The following ZC3H7B variants were observed in gnomAD, a reference collection of about 807,000 sequenced individuals.
The protein encoded by ZC3H7B is zinc finger CCCH-type containing 7B.
ZC3H7B carries 35 observed loss-of-function variants against 116.0 expected under a neutral mutation model. The observed-to-expected ratio is 0.30, with a 90% CI of 0.23 to 0.40. The LOEUF (loss-of-function observed/expected upper bound fraction) is 0.40, where lower values mean the gene tolerates loss of function less well. ZC3H7B is among the 10% of genes least tolerant of loss of function. The pLI, the probability that ZC3H7B is intolerant of heterozygous loss-of-function variation, is 1.00. For missense variants in ZC3H7B, 1,011 were observed against 1,321.5 expected (o/e 0.77, Z 3.64); for synonymous variants, 502 against 545.6 (o/e 0.92, Z 1.11).
chr22:41,322,040 C>T (rs1351314888), intron 2 of ZC3H7B, among the ~76,000 whole-genome samples: 2 of 149,830 alleles, frequency 1.3e-5, no homozygotes, highest in Non-Finnish European at 1.5e-5. Context: ...GGGGTTTCAC[C>T]GTTTTAGCTG....
chr22:41,332,562 C>T (rs138953687), intron 7 of ZC3H7B: 1 of 293,894 alleles, frequency 3.4e-6, no homozygotes, highest in East Asian at 7.0e-5. Context: ...TCTGCAGGTT[C>T]AGGCCCCTGG....
In ZC3H7B at chr22:41,318,619, C is replaced by T. The variant is rs899035023; in HGVS notation, c.-6-2036C>T. 7.9e-5 allele frequency among the ~76,000 whole-genome samples: 12 copies of T among 151,710 alleles called. No homozygotes were observed. In the South Asian group the frequency reaches 8.3e-4, roughly 11 times the overall value. ...TAAAGGTTAGCGAGGCATGGTGGCG[C>T]GCGCCTGTGATCTCAGCTGCTTGGG... On this transcript the variant is annotated intron_variant, in intron 1 of 22. Coordinates refer to ENST00000352645, the MANE Select transcript of ZC3H7B (RefSeq NM_017590.6).
At position 41,349,330 on chromosome 22, in the gene ZC3H7B, C is replaced by A; in HGVS notation, c.1948+29C>A. On this transcript the variant is annotated intron_variant, in intron 16 of 22. Coordinates refer to ENST00000352645, the MANE Select transcript of ZC3H7B (RefSeq NM_017590.6). The surrounding 1 kb of genome is among the most constrained non-coding windows in gnomAD (Gnocchi z 4.9). ...AGGGGCAGGCGGTGCAGGTGGAGGG[C>A]AGGTGACTCAGGTGAGGGGTAGGCG... is the stretch of plus-strand genomic sequence containing the variant. 1 of 1,607,378 alleles carries A rather than the reference C, an allele frequency of 6.2e-7. No homozygotes were observed. Among genetic ancestry groups the A allele is most frequent in the Non-Finnish European group, 8.5e-7 (1 of 1,175,968 alleles).
intron 1 of ZC3H7B, among the ~76,000 whole-genome samples, chr22:41,317,621 C>T (rs1374332788): frequency 6.6e-6 from 1 of 151,734 alleles, no homozygotes; most frequent in African/African-American, 2.4e-5. Flanking sequence ...AAAACCCCAT[C>T]TCTAAAAAAA....
intron 13 of ZC3H7B, among the ~76,000 whole-genome samples, chr22:41,345,334 C>A (rs1005254413): frequency 1.3e-5 from 2 of 152,098 alleles, no homozygotes; most frequent in Non-Finnish European, 2.9e-5. Flanking sequence ...GCCTGTAATC[C>A]CAGCACTTTG....
intron 1 of ZC3H7B, among the ~76,000 whole-genome samples, chr22:41,308,298 G>A (rs1408698644): frequency 6.6e-6 from 1 of 152,116 alleles, no homozygotes; most frequent in East Asian, 1.9e-4. Context: ...CTTGTTCCCT[G>A]GAGCATCTCT....
rs547574004 is a variant in ZC3H7B, at chr22:41,338,415, C to T, written c.625+60C>T. 74 of 1,568,106 alleles carry T rather than the reference C, an allele frequency of 4.7e-5. No individual in the cohort carries two copies. In the South Asian group the frequency reaches 5.0e-4, roughly 11 times the overall value. On this transcript the variant is annotated intron_variant, in intron 8 of 22. Transcript: ENST00000352645. This position sits in a 1 kb window ranked among gnomAD's most constrained non-coding sequence, Gnocchi z 4.5. ...TGGGGCCCCGAGAGGTCAGGGGAGT[C>T]GAGCCCCCTCCCCATCCCAGCCCTG...
chr22:41,308,416 T>C (rs548484513), intron 1 of ZC3H7B, among the ~76,000 whole-genome samples: 1 of 152,302 alleles, frequency 6.6e-6, no homozygotes, highest in South Asian at 2.1e-4. Context: ...GGAGGCATTA[T>C]TATTTTGTCA....
In ZC3H7B at chr22:41,346,124, C is replaced by T. The variant is rs774781836; in HGVS notation, c.1581C>T (p.Asp527=). The T allele has an allele frequency of 1.2e-6, 2 of 1,613,630 alleles. No individual in the cohort carries two copies. The highest frequency in any genetic ancestry group is 1.7e-6 in the Non-Finnish European group (2 of 1,180,026). ...KGTLNRDLLF[D]PLGGVKRGSL... ...CCCTCAACCGCGACCTGCTCTTCGA[C>T]CCGCTGGGGGGTGTTAAGCGCGGCA... is the stretch of plus-strand genomic sequence containing the variant. Residue 527 remains aspartate, a synonymous_variant, in exon 14 of 23, where the codon GAC becomes GAT. Coordinates refer to ENST00000352645, the MANE Select transcript of ZC3H7B (RefSeq NM_017590.6). The surrounding 1 kb of genome is among the most constrained non-coding windows in gnomAD (Gnocchi z 5.3).
chr22:41,334,668 A>C (rs955263318), intron 7 of ZC3H7B: 1 of 152,342 alleles, frequency 6.6e-6, no homozygotes, highest in Non-Finnish European at 1.5e-5. Context: ...GCACAAACGG[A>C]GTGCCCTAGG....
intron 17 of ZC3H7B, among the ~76,000 whole-genome samples, chr22:41,354,766 C>G (rs911125924): frequency 6.6e-6 from 1 of 152,182 alleles, no homozygotes; most frequent in African/African-American, 2.4e-5. Context: ...TACAGAAGAG[C>G]AGGCCAAAGG....
rs769385754 is a variant in ZC3H7B, at chr22:41,351,557, C to T, written c.1949-4C>T. On this transcript the variant is annotated splice_region_variant and splice_polypyrimidine_tract_variant and intron_variant, in intron 16 of 22. Transcript: ENST00000352645. This position sits in a 1 kb window ranked among gnomAD's most constrained non-coding sequence, Gnocchi z 5.1. ...ATGCCTGTGTCTGCCCCCACCCTCC[C>T]CAGGCATGACCCACGAAGACATCGT... The T allele has an allele frequency of 6.2e-5, 100 of 1,612,708 alleles. No homozygotes were observed. The South Asian group carries it at 1.1e-3, about 17-fold the overall frequency.
At chr22:41,306,373 C>A (rs1405264362) in intron 1 of ZC3H7B, among the ~76,000 whole-genome samples, 1 of 136,168 alleles carries the variant, frequency 7.3e-6, no homozygotes, top group Admixed American at 7.9e-5. Context: ...TTATTTAATT[C>A]TTTTTTTTTT....
At chr22:41,322,509 C>T (rs1011481838) in intron 2 of ZC3H7B, among the ~76,000 whole-genome samples, 1 of 151,006 alleles carries the variant, frequency 6.6e-6, no homozygotes. Context: ...TGTTTTATTT[C>T]TCTTTTTTTT....
At chr22:41,355,697 G>A (rs971213000) in intron 18 of ZC3H7B, 60 bp from the exon 19 acceptor site, 21 of 1,611,998 alleles carry the variant, frequency 1.3e-5, no homozygotes, top group Non-Finnish European at 1.7e-5. Context: ...GCTCTCCACA[G>A]AGGTCACACA....
Position 41,327,204 on chromosome 22 carries a change from A to G in ZC3H7B, c.286-2A>G. ...CAGTGACCACATGCTCCTCTCTGGC[A>G]GGGCCTGTATGAGAAGGCGCTGGAG... is the stretch of plus-strand genomic sequence containing the variant. On this transcript the variant is annotated splice_acceptor_variant, in intron 4 of 22. Transcript: ENST00000352645. LOFTEE classifies it high-confidence loss of function. The surrounding 1 kb of genome is among the most constrained non-coding windows in gnomAD (Gnocchi z 4.5). 6.2e-7 allele frequency: 1 copy of G among 1,613,708 alleles called. No homozygotes were observed. The highest frequency in any genetic ancestry group is 8.5e-7 in the Non-Finnish European group (1 of 1,179,946).
chr22:41,346,059 C>G lies in ZC3H7B; in HGVS notation c.1516C>G (p.Gln506Glu), dbSNP rs1228512681. The G allele has an allele frequency of 2.5e-6, 4 of 1,614,110 alleles. No individual in the cohort carries two copies. The highest frequency in any genetic ancestry group is 3.4e-6 in the Non-Finnish European group (4 of 1,180,022). Residue 506 changes from glutamine (Q) to glutamate (E), a missense_variant, in exon 14 of 23, where the codon CAG becomes GAG. By Grantham distance (29) the Gln-to-Glu change is conservative. Around this residue, in one of 5 missense-constraint regions of ZC3H7B, gnomAD observed 179 missense variants for 178.5 expected, o/e 1.00. Coordinates refer to ENST00000352645, the MANE Select transcript of ZC3H7B (RefSeq NM_017590.6). The surrounding 1 kb of genome is among the most constrained non-coding windows in gnomAD (Gnocchi z 5.3). ...GGATAACTGCACCTTCGCCTACCAT[C>G]AGGAGGAGATCGACGTGTGGACCGA... ...YGDNCTFAYH[Q>E]EEIDVWTEER...
chr22:41,348,195 G>A (rs753676570), intron 15 of ZC3H7B, 28 bp downstream of exon 15: 22 of 1,599,228 alleles, frequency 1.4e-5, no homozygotes, highest in Non-Finnish European at 1.8e-5. Flanking sequence ...CCCAGGCTGA[G>A]GCCTAGGGGC....
At chr22:41,303,788 C>T (rs536813453) in intron 1 of ZC3H7B, among the ~76,000 whole-genome samples, 9 of 152,356 alleles carry the variant, frequency 5.9e-5, no homozygotes, top group East Asian at 1.9e-4. Flanking sequence ...GACGGAGTCT[C>T]GCTCTGTCGC....
Sources: allele counts gnomAD v4.1 joint callset (sites outside exome capture counted in the v4.1 genomes callset), GRCh38; gene constraint gnomAD v4.1.1; regional missense constraint gnomAD v4.1.1; non-coding constraint Gnocchi (gnomAD v3.1); transcripts MANE v1.5; gene names NCBI Gene and HGNC (gene_info 2026-07-23, HGNC 2026-07-21).